CTNNA3: variants seen among roughly 807,000 people sequenced by gnomAD.
CTNNA3 encodes catenin alpha-3.
In CTNNA3, 76 loss-of-function variants were observed where a neutral mutation model predicts 95.7. The ratio of observed to expected loss-of-function variants is 0.79; its 90% CI spans 0.66 to 0.96. The LOEUF is 0.96. CTNNA3 is among the 40% of genes least tolerant of loss of function. The probability of loss-of-function intolerance (pLI) is 0.00; values close to 1 mark genes in which losing one functional copy is unlikely to be tolerated. For synonymous variants in CTNNA3, 431 were observed against 374.4 expected (o/e 1.15, Z -1.74); for missense variants, 1,191 against 1,089.8 (o/e 1.09, Z -1.31).
At chr10:66,498,194 T>A (rs992417974) in intron 11 of CTNNA3, among the ~76,000 whole-genome samples, 10 of 152,068 alleles carry the variant, frequency 6.6e-5, no homozygotes, top group African/African-American at 2.4e-4. Flanking sequence ...TACTTCTGTT[T>A]TAAAAGAGCA....
chr10:67,652,378 A>G (rs1295813780), intron 1 of CTNNA3, among the ~76,000 whole-genome samples: 1 of 152,244 alleles, frequency 6.6e-6, no homozygotes, highest in African/African-American at 2.4e-5. Context: ...AGTTTCTGTT[A>G]TCACATCTAA....
chr10:67,488,815 G>A (rs1041994258), intron 5 of CTNNA3, among the ~76,000 whole-genome samples: 6 of 151,878 alleles, frequency 4.0e-5, no homozygotes, highest in South Asian at 2.1e-4. Flanking sequence ...GACTACAGGC[G>A]CATGCCACCG....
chr10:66,269,813 A>G (rs549336257), intron 13 of CTNNA3, among the ~76,000 whole-genome samples: 1 of 152,300 alleles, frequency 6.6e-6, no homozygotes, highest in Non-Finnish European at 1.5e-5. Flanking sequence ...TACAATTGCC[A>G]TCATCTTTAA....
chr10:67,495,429 G>T (rs1042207635), intron 5 of CTNNA3, among the ~76,000 whole-genome samples: 1 of 152,132 alleles, frequency 6.6e-6, no homozygotes, highest in Non-Finnish European at 1.5e-5. Flanking sequence ...AGAGTCATAG[G>T]TCCATACAGG....
At position 66,980,966 on chromosome 10, in the gene CTNNA3, G is replaced by C. The variant is rs140103173; in HGVS notation, c.1047+199351C>G. Among the ~76,000 whole-genome samples, 650 of 152,214 alleles carry C rather than the reference G, an allele frequency of 4.3e-3. 5 individuals carry two copies. The highest frequency in any genetic ancestry group is 0.014 in the African/African-American group (566 of 41,528). ...TTGTTGCCCAGGCTGGAGTGCGATG[G>C]TGTGATTTCGGCTCACCCCAACCTC... On this transcript the variant is annotated intron_variant, in intron 7 of 17. Transcript: ENST00000433211.
At chr10:67,040,978 C>T (rs1266425273) in intron 7 of CTNNA3, among the ~76,000 whole-genome samples, 2 of 151,872 alleles carry the variant, frequency 1.3e-5, no homozygotes, top group African/African-American at 4.8e-5. Flanking sequence ...GTGATATAAG[C>T]ATTTTATACT....
rs1341353843 is a variant in CTNNA3 at position 67,255,318 on chromosome 10, A to AAATT, written c.580-35452_580-35449dup. Among the ~76,000 whole-genome samples the AAATT allele has an allele frequency of 5.8e-3, 856 of 148,842 alleles. 6 individuals carry two copies. The highest frequency in any genetic ancestry group is 8.7e-3 in the Admixed American group (129 of 14,842). ...CTCAAAAATAAATAAATAAATAAAT[A>AAATT]AATTAATTAATTAATTTAAAAAACT... On this transcript the variant is annotated intron_variant, in intron 5 of 17. Transcript: ENST00000433211.
intron 7 of CTNNA3, among the ~76,000 whole-genome samples, chr10:67,075,385 G>A (rs1158878849): frequency 6.6e-6 from 1 of 152,128 alleles, no homozygotes; most frequent in Non-Finnish European, 1.5e-5. Flanking sequence ...TGAGAGAGAT[G>A]CCAGTTTTAC....
chr10:67,177,236 T>C (rs1392571649), intron 7 of CTNNA3, among the ~76,000 whole-genome samples: 1 of 152,208 alleles, frequency 6.6e-6, no homozygotes, highest in African/African-American at 2.4e-5. Flanking sequence ...TTATTGAACG[T>C]TGAGATTCCA....
chr10:66,647,046 A>C (rs980562257), intron 9 of CTNNA3, among the ~76,000 whole-genome samples: 7 of 152,094 alleles, frequency 4.6e-5, no homozygotes, highest in African/African-American at 1.7e-4. Context: ...ATGCGGCTGC[A>C]CCTCAGACTC....
At chr10:67,176,378 T>C (rs910285955) in intron 7 of CTNNA3, among the ~76,000 whole-genome samples, 2 of 152,218 alleles carry the variant, frequency 1.3e-5, no homozygotes, top group African/African-American at 4.8e-5. Flanking sequence ...CATCCAAAAA[T>C]ACAATTCAGC....
At chr10:67,481,283 TG>T (rs1198964168) in intron 5 of CTNNA3, among the ~76,000 whole-genome samples, 1 of 152,012 alleles carries the variant, frequency 6.6e-6, no homozygotes, top group Non-Finnish European at 1.5e-5. Flanking sequence ...GCTGCAACAA[TG>T]AGGCAAGAGA....
At chr10:67,500,211 G>C (rs1839184064) in intron 5 of CTNNA3, among the ~76,000 whole-genome samples, 1 of 152,154 alleles carries the variant, frequency 6.6e-6, no homozygotes, top group Admixed American at 6.5e-5. Context: ...TTCAGGAGCA[G>C]GTTTTTCAGT....
At chr10:66,821,894 G>A (rs979575731) in intron 7 of CTNNA3, among the ~76,000 whole-genome samples, 2 of 152,140 alleles carry the variant, frequency 1.3e-5, no homozygotes, top group African/African-American at 4.8e-5. Context: ...GGAGCACACA[G>A]AAGTTGCTAA....
rs561743686 is a variant in CTNNA3, at chr10:66,320,590, G to A, written c.1733-39969C>T. On this transcript the variant is annotated intron_variant, in intron 12 of 17. Coordinates refer to ENST00000433211, the MANE Select transcript of CTNNA3 (RefSeq NM_013266.4). Reference sequence around the variant, plus strand: ...ACACATTGACAGGTTGGCTGTCTTCGTATCACTAGGACTTTGGTGCAGGTC... The same window carrying A: ...ACACATTGACAGGTTGGCTGTCTTCATATCACTAGGACTTTGGTGCAGGTC... Among the ~76,000 whole-genome samples, 21 of 152,158 alleles carry A rather than the reference G, an allele frequency of 1.4e-4. 1 individual carries two copies. In the South Asian group the frequency reaches 1.9e-3, roughly 14 times the overall value.
chr10:67,481,645 A>G (rs1481787613), intron 5 of CTNNA3, among the ~76,000 whole-genome samples: 1 of 152,218 alleles, frequency 6.6e-6, no homozygotes, highest in Admixed American at 6.5e-5. Context: ...GATTCTGGAT[A>G]TTAGCCCTTT....
intron 15 of CTNNA3, among the ~76,000 whole-genome samples, chr10:66,025,657 A>C (rs1243926002): frequency 6.6e-6 from 1 of 152,216 alleles, no homozygotes; most frequent in Non-Finnish European, 1.5e-5. Flanking sequence ...TGCATCAGGC[A>C]GAAATGGTGA....
intron 5 of CTNNA3, among the ~76,000 whole-genome samples, chr10:67,338,647 A>G (rs1285911891): frequency 1.3e-5 from 2 of 152,194 alleles, no homozygotes; most frequent in African/African-American, 2.4e-5. Context: ...TAGTTGTGCA[A>G]ATGACAGGAA....
intron 6 of CTNNA3, 142 bp from the exon 7 acceptor site, chr10:67,180,662 A>C (rs2132139040): frequency 1.5e-6 from 1 of 657,326 alleles, no homozygotes. Flanking sequence ...TGGTTCACAC[A>C]TAATGCTATG....
Sources: allele counts gnomAD v4.1 joint callset (sites outside exome capture counted in the v4.1 genomes callset), GRCh38; gene constraint gnomAD v4.1.1; transcripts MANE v1.5; gene names NCBI Gene and HGNC (gene_info 2026-07-23, HGNC 2026-07-21).